Variants in TTN observed in about 807,000 individuals in gnomAD.
TTN encodes the protein titin.
TTN carries 1,525 observed loss-of-function variants against 3,223.0 expected under a neutral mutation model. The observed-to-expected ratio is 0.47, with a 90% CI of 0.45 to 0.49. TTN has a LOEUF of 0.49. Among genes scored for constraint, TTN ranks in the 20% least tolerant of loss-of-function variants. The probability of loss-of-function intolerance (pLI) is 0.00; values close to 1 mark genes in which losing one functional copy is unlikely to be tolerated. For missense variants in TTN, 40,786 were observed against 43,424.0 expected (o/e 0.94, Z 5.40); for synonymous variants, 14,094 against 15,161.0 (o/e 0.93, Z 5.17).
At chr2:178,800,247 C>G in intron 4 of TTN, 148 bp downstream of exon 4, 1 of 1,047,902 alleles carries the variant, frequency 9.5e-7, no homozygotes, top group South Asian at 1.5e-5. Context: ...ATCTCAGGGA[C>G]TTTTCATGGG....
intron 43 of TTN, among the ~76,000 whole-genome samples, chr2:178,760,567 G>A (rs536245393): frequency 6.6e-6 from 1 of 152,270 alleles, no homozygotes; most frequent in South Asian, 2.1e-4. Context: ...CTTGTCAGCT[G>A]TGTGGCCTTG....
chr2:178,785,501 C>T lies in TTN; in HGVS notation c.2493+119G>A, dbSNP rs112677770. The T allele has an allele frequency of 1.0e-3, 1,459 of 1,432,024 alleles. 18 individuals are homozygous for T. The African/African-American group carries it at 0.018, about 17-fold the overall frequency. The allele number at this position is 1,432,024 out of a possible 1,614,324, so 88.7% of individuals were successfully genotyped here. On this transcript the variant is annotated intron_variant, in intron 15 of 362. Coordinates refer to ENST00000589042, the MANE Select transcript of TTN (RefSeq NM_001267550.2). ...TGGGCCCACTGTGAATGCAAACACA[C>T]GCACACACACATCACCAAAAAAGAA...
intron 153 of TTN, 36 bp downstream of exon 153, chr2:178,672,595 AAGAC>A (rs369744888): frequency 1.1e-5 from 17 of 1,609,936 alleles, no homozygotes; most frequent in African/African-American, 9.3e-5. Flanking sequence ...TTAACGAAAA[AAGAC>A]AGAAGAGGAA....
intron 240 of TTN, among the ~76,000 whole-genome samples, chr2:178,626,441 G>A (rs2059064968): frequency 6.6e-6 from 1 of 151,920 alleles, no homozygotes; most frequent in Admixed American, 6.6e-5. Context: ...CTAAGAAGCT[G>A]TGCCCTGTCA....
At chr2:178,804,977 TGAA>T (rs1250572811) in intron 1 of TTN, among the ~76,000 whole-genome samples, 14 of 152,058 alleles carry the variant, frequency 9.2e-5, no homozygotes, top group African/African-American at 2.4e-5. Context: ...GGTTCAGAGT[TGAA>T]GAAGAAAACC....
chr2:178,699,573 G>A (rs867366922), intron 111 of TTN, among the ~76,000 whole-genome samples: 3 of 143,866 alleles, frequency 2.1e-5, no homozygotes, highest in East Asian at 4.0e-4. Flanking sequence ...CACCGCGCCC[G>A]GCTAATTTTT....
chr2:178,774,881 A>G, intron 29 of TTN, 40 bp downstream of exon 29: 1 of 1,611,042 alleles, frequency 6.2e-7, no homozygotes, highest in Non-Finnish European at 8.5e-7. Context: ...GGGTGACTTT[A>G]GAGCTTAGGT....
rs764734126 is a variant in TTN, at chr2:178,575,938, A to G, written c.70194T>C (p.Thr23398=). 120 of 1,612,384 alleles carry G rather than the reference A, an allele frequency of 7.4e-5. No homozygotes were observed. The highest frequency in any genetic ancestry group is 2.2e-4 in the Admixed American group (13 of 59,974). ...RANIENTESF[T]LLIIPECNRY... The stretch of plus-strand genomic sequence containing the variant: ...TGTTACATTCTGGGATAATCAGAAG[A>G]GTAAATGATTCCGTATTTTCAATGT... The change falls in exon 326 of 363, where the codon ACT becomes ACC. Residue 23398 remains threonine (T), a synonymous_variant. Transcript: ENST00000589042. The surrounding 1 kb of genome is among the most constrained non-coding windows in gnomAD (Gnocchi z 4.0).
rs541753506 is a variant in TTN, at chr2:178,684,484, C to G, written c.32639-71G>C. On this transcript the variant is annotated intron_variant, in intron 131 of 362. Transcript: ENST00000589042. ...TAAAAAATATACTAGCCAGAAAGTA[C>G]TGTGATTTTAGAATAGAAGAATTTA... 3 of 1,504,002 alleles carry G rather than the reference C, an allele frequency of 2.0e-6. No homozygotes were observed. In the South Asian group the frequency reaches 3.6e-5, roughly 18 times the overall value. 93.2% of individuals were successfully genotyped at this position (1,504,002 alleles called of 1,614,324 possible).
chr2:178,804,589 C>T lies in TTN; in HGVS notation c.54G>A (p.Leu18=). 1 of 1,614,030 alleles carries T rather than the reference C, an allele frequency of 6.2e-7. No individual in the cohort carries two copies. Among genetic ancestry groups the T allele is most frequent in the Non-Finnish European group, 8.5e-7 (1 of 1,179,962 alleles). ...CCTCAAAGGTTGCGGTACTACCCTC[C>T]AGTACCACAACGCTTTGTAACGGCT... ...FTQPLQSVVV[L]EGSTATFEAH... The change falls in exon 2 of 363, where the codon CTG becomes CTA. Residue 18 remains leucine, a synonymous_variant. Transcript: ENST00000589042.
chr2:178,703,429 T>A (rs1234391528), intron 106 of TTN, among the ~76,000 whole-genome samples: 1 of 152,226 alleles, frequency 6.6e-6, no homozygotes, highest in African/African-American at 2.4e-5. Context: ...ATATTCATTG[T>A]AAGGTAAGTC....
chr2:178,707,513 G>A lies in TTN; in HGVS notation c.29041+13C>T, dbSNP rs777986533. ...CTGGCTTGAGCTGCATAATACTTTTGAGGTGTCTGTACCTTTAATGGTCAC... is the reference window on the plus strand; with the variant it reads ...CTGGCTTGAGCTGCATAATACTTTTAAGGTGTCTGTACCTTTAATGGTCAC... On this transcript the variant is annotated intron_variant, in intron 100 of 362. Coordinates refer to ENST00000589042, the MANE Select transcript of TTN (RefSeq NM_001267550.2). 6.2e-7 allele frequency: 1 copy of A among 1,603,288 alleles called. No individual in the cohort carries two copies. The highest frequency in any genetic ancestry group is 1.3e-5 in the African/African-American group (1 of 74,706).
In TTN at chr2:178,621,352, A is replaced by G. The variant is rs187418011; in HGVS notation, c.45366T>C (p.Phe15122=). Reference sequence around the variant, plus strand: ...TTTCAAGGTTTTGAGGCTTTGAGATAAATTCAGCAGCCAGTTCTGGGAAGA... The same window carrying G: ...TTTCAAGGTTTTGAGGCTTTGAGATGAATTCAGCAGCCAGTTCTGGGAAGA... The part of the protein sequence containing the change: ...KVKVHELAAE[F]ISKPQNLEIL... Residue 15122 remains phenylalanine, a synonymous_variant, in exon 246 of 363, where the codon TTT becomes TTC. Transcript: ENST00000589042. 1 of 1,611,346 alleles carries G rather than the reference A, an allele frequency of 6.2e-7. No homozygotes were observed. The highest frequency in any genetic ancestry group is 2.2e-5 in the East Asian group (1 of 44,550).
chr2:178,789,515 A>T lies in TTN; in HGVS notation c.1939-18T>A. On this transcript the variant is annotated intron_variant, in intron 12 of 362. Transcript: ENST00000589042. Reference sequence around the variant, plus strand: ...TTTCTCATCTGATTATTACAGTAAAATCAAGATTTAAGTTGAACAGGGCTT... The same window carrying T: ...TTTCTCATCTGATTATTACAGTAAATTCAAGATTTAAGTTGAACAGGGCTT... The T allele has an allele frequency of 6.2e-7, 1 of 1,612,820 alleles. No individual in the cohort carries two copies. Among genetic ancestry groups the T allele is most frequent in the South Asian group, 1.1e-5 (1 of 91,060 alleles).
Position 178,530,019 on chromosome 2 carries a change from G to A in TTN, c.106472C>T (p.Thr35491Ile), listed in dbSNP as rs1461069852. 1 of 1,609,178 alleles carries A rather than the reference G, an allele frequency of 6.2e-7. No individual in the cohort carries two copies. Among genetic ancestry groups the A allele is most frequent in the Non-Finnish European group, 8.5e-7 (1 of 1,178,816 alleles). The change falls in exon 359 of 363, where the codon ACT becomes ATT. Residue 35491 changes from threonine (T) to isoleucine (I), a missense_variant. Transcript: ENST00000589042. ...KTDTSDSGLYTCTVKNSAGSV... is the reference protein window; with the variant it reads ...KTDTSDSGLYICTVKNSAGSV... ...TCCAGCTGAATTTTTTACTGTACAA[G>A]TATAAAGTCCACTGTCAGAAGTATC...
intron 257 of TTN, 27 bp from the exon 258 acceptor site, chr2:178,615,815 G>T (rs764551021): frequency 1.9e-6 from 3 of 1,581,366 alleles, no homozygotes; most frequent in Middle Eastern, 1.7e-4. Context: ...CAGTTAATCA[G>T]TTATTTCCAA....
Position 178,722,644 on chromosome 2 carries a change from G to A in TTN, c.22240+15C>T. The A allele has an allele frequency of 6.3e-7, 1 of 1,592,632 alleles. No individual in the cohort carries two copies. Among genetic ancestry groups the A allele is most frequent in the Non-Finnish European group, 8.5e-7 (1 of 1,171,434 alleles). ...AAGGAAAAAAGAATTTTTTTAATTT[G>A]TAAAATATCATCACCTTGAATTCTG... is the stretch of plus-strand genomic sequence containing the variant. On this transcript the variant is annotated intron_variant, in intron 76 of 362. Transcript: ENST00000589042.
chr2:178,683,832 T>G (rs1222674563), intron 133 of TTN, among the ~76,000 whole-genome samples, 167 bp downstream of exon 133: 1 of 152,060 alleles, frequency 6.6e-6, no homozygotes, highest in Non-Finnish European at 1.5e-5. Context: ...AAAAAAGTAC[T>G]TTCTGTTATC....
intron 250 of TTN, 37 bp downstream of exon 250, chr2:178,619,584 T>C (rs2057960090): frequency 6.3e-7 from 1 of 1,597,476 alleles, no homozygotes; most frequent in Non-Finnish European, 8.5e-7. Flanking sequence ...CTAAACTCTG[T>C]GATATTGGAA....
Sources: allele counts gnomAD v4.1 joint callset (sites outside exome capture counted in the v4.1 genomes callset), GRCh38; gene constraint gnomAD v4.1.1; non-coding constraint Gnocchi (gnomAD v3.1); transcripts MANE v1.5; gene names NCBI Gene and HGNC (gene_info 2026-07-23, HGNC 2026-07-21).